Variants in SPAG17 observed in about 807,000 individuals in gnomAD.
The protein encoded by SPAG17 is sperm-associated antigen 17.
A neutral mutation model predicts 273.6 loss-of-function variants in SPAG17; 169 were observed. That is an observed-to-expected ratio of 0.62 (90% CI 0.55 to 0.70). The LOEUF (loss-of-function observed/expected upper bound fraction) is 0.70. Ranked by LOEUF, SPAG17 falls within the 30% of genes least tolerant of loss-of-function variation. SPAG17 has a pLI of 0.00. For missense variants in SPAG17, 2,557 were observed against 2,627.8 expected, an observed-to-expected ratio of 0.97 and a Z score of 0.59; for synonymous variants, 825 against 873.2, an observed-to-expected ratio of 0.94 and a Z score of 0.97.
At chr1:118,157,064 G>A (rs1659687547) in intron 1 of SPAG17, among the ~76,000 whole-genome samples, 1 of 152,116 alleles carries the variant, frequency 6.6e-6, no homozygotes, top group East Asian at 1.9e-4. Context: ...CAGTGTGATT[G>A]CCTTAATAAT....
chr1:117,971,508 T>C (rs1179195213), intron 45 of SPAG17, among the ~76,000 whole-genome samples: 2 of 152,186 alleles, frequency 1.3e-5, no homozygotes, highest in African/African-American at 2.4e-5. Context: ...AGTTAGTGGA[T>C]TTGAGAAAAA....
chr1:118,068,099 C>G (rs1653164506), intron 17 of SPAG17, among the ~76,000 whole-genome samples: 1 of 151,552 alleles, frequency 6.6e-6, no homozygotes, highest in Admixed American at 6.6e-5. Context: ...GCTGAGGCAG[C>G]TTTTGGTTTT....
At position 118,036,893 on chromosome 1, in the gene SPAG17, A is replaced by C. The variant is rs1649152796; in HGVS notation, c.3320-10T>G. On this transcript the variant is annotated splice_polypyrimidine_tract_variant and intron_variant, in intron 23 of 48. Transcript: ENST00000336338. ...TTTGCATCTGATACTTCTAAAATACAAAATCGAATCAAGAACATTTTCATT... is the reference window on the plus strand; with the variant it reads ...TTTGCATCTGATACTTCTAAAATACCAAATCGAATCAAGAACATTTTCATT... 6.6e-7 allele frequency: 1 copy of C among 1,518,854 alleles called. No individual in the cohort carries two copies. The highest frequency in any genetic ancestry group is 1.4e-5 in the African/African-American group (1 of 72,274). The allele number at this position is 1,518,854 out of a possible 1,614,324, so 94.1% of individuals were successfully genotyped here.
chr1:117,967,109 G>C (rs895899017), intron 46 of SPAG17, among the ~76,000 whole-genome samples: 1 of 152,024 alleles, frequency 6.6e-6, no homozygotes, highest in African/African-American at 2.4e-5. Context: ...ACTTTCAGTA[G>C]TGAAATCTGC....
intron 3 of SPAG17, among the ~76,000 whole-genome samples, chr1:118,136,981 G>A (rs189616043): frequency 3.4e-3 from 515 of 152,272 alleles, no homozygotes; most frequent in Non-Finnish European, 6.4e-3. Flanking sequence ...CTGGGGGAAA[G>A]AGCAAATCAG....
intron 28 of SPAG17, among the ~76,000 whole-genome samples, chr1:118,019,576 T>C (rs1660308947): frequency 6.6e-6 from 1 of 152,164 alleles, no homozygotes; most frequent in Non-Finnish European, 1.5e-5. Context: ...AGATAATTAT[T>C]GAGAAATCTC....
chr1:118,102,970 C>A (rs1162745735), intron 4 of SPAG17, among the ~76,000 whole-genome samples: 2 of 152,174 alleles, frequency 1.3e-5, no homozygotes, highest in Admixed American at 1.3e-4. Flanking sequence ...GAAACTGCCA[C>A]CCTTTGTACC....
At chr1:118,009,871 T>C (rs550063024) in intron 30 of SPAG17, among the ~76,000 whole-genome samples, 1 of 150,928 alleles carries the variant, frequency 6.6e-6, no homozygotes, top group African/African-American at 2.4e-5. Flanking sequence ...ATAAAGAAAA[T>C]AAAGAAAATA....
intron 18 of SPAG17, among the ~76,000 whole-genome samples, chr1:118,060,314 T>C (rs1289986900): frequency 6.6e-6 from 1 of 152,112 alleles, no homozygotes; most frequent in Non-Finnish European, 1.5e-5. Flanking sequence ...GTTTTTTTTT[T>C]CTTTTTCCAT....
chr1:118,165,747 G>A (rs935132142), intron 1 of SPAG17, among the ~76,000 whole-genome samples: 36 of 144,824 alleles, frequency 2.5e-4, no homozygotes, highest in African/African-American at 8.7e-4. Flanking sequence ...CCGGGTTCAC[G>A]CCATTCTCCT....
intron 10 of SPAG17, among the ~76,000 whole-genome samples, chr1:118,087,922 C>T (rs1187142358): frequency 6.6e-6 from 1 of 152,174 alleles, no homozygotes; most frequent in African/African-American, 2.4e-5. Flanking sequence ...GCAAGTAGCA[C>T]CCTTCCAGTT....
chr1:118,006,298 T>A (rs1658873650), intron 31 of SPAG17, among the ~76,000 whole-genome samples: 4 of 152,232 alleles, frequency 2.6e-5, no homozygotes, highest in African/African-American at 9.6e-5. Context: ...ACTAATCTAC[T>A]GTCTATGGAT....
intron 1 of SPAG17, 45 bp from the exon 2 acceptor site, chr1:118,151,414 G>C (rs1341908859): frequency 6.6e-7 from 1 of 1,508,444 alleles, no homozygotes; most frequent in Non-Finnish European, 9.0e-7. Context: ...TTCCTGAATA[G>C]GTCATTTCGT....
At chr1:117,954,897 G>A (rs115284676) in intron 48 of SPAG17, among the ~76,000 whole-genome samples, 126 of 152,202 alleles carry the variant, frequency 8.3e-4, no homozygotes, top group African/African-American at 2.9e-3. Context: ...AAAGCCCTCT[G>A]AAGATTCTGT....
intron 5 of SPAG17, among the ~76,000 whole-genome samples, chr1:118,100,194 T>G (rs938276400): frequency 6.6e-6 from 1 of 152,178 alleles, no homozygotes. Flanking sequence ...CTTTGTGGTA[T>G]TTTATAAGTA....
intron 38 of SPAG17, 108 bp downstream of exon 38, chr1:117,990,753 T>C (rs1656981952): frequency 9.2e-6 from 6 of 651,260 alleles, no homozygotes; most frequent in South Asian, 2.3e-5. Flanking sequence ...AATGGAGATA[T>C]GTACATGGTG....
Position 118,150,574 on chromosome 1 carries a change from G to T in SPAG17, c.284C>A (p.Pro95His). 6.3e-7 allele frequency: 1 copy of T among 1,578,670 alleles called. No homozygotes were observed. The highest frequency in any genetic ancestry group is 8.7e-7 in the Non-Finnish European group (1 of 1,153,454). ...ATATAAAGGAGCATTACCACCTACA[G>T]GTTTTTTTGCCTTTTTAGATGAAGC... ...GSASSKKAKKPVGGNAPLYYE... is the reference protein window; with the variant it reads ...GSASSKKAKKHVGGNAPLYYE... Residue 95 changes from proline (P) to histidine (H), a missense_variant, in exon 3 of 49, where the codon CCT becomes CAT. Transcript: ENST00000336338.
In SPAG17 at chr1:118,042,014, G is replaced by A. The variant is rs1571321489; in HGVS notation, c.2843C>T (p.Ala948Val). 1 of 1,612,546 alleles carries A rather than the reference G, an allele frequency of 6.2e-7. No homozygotes were observed. Among genetic ancestry groups the A allele is most frequent in the African/African-American group, 1.3e-5 (1 of 74,654 alleles). Reference sequence around the variant, plus strand: ...TTCTTCCCTTAAGCGCTCCTCTTCTGCTAATCGATGTTGCTCTTCTTTCCA... The same window carrying A: ...TTCTTCCCTTAAGCGCTCCTCTTCTACTAATCGATGTTGCTCTTCTTTCCA... Reference protein sequence around the residue: ...KAWKEEQHRLAEEERLREEKK... With the variant: ...KAWKEEQHRLVEEERLREEKK... The change falls in exon 21 of 49, where the codon GCA becomes GTA. Residue 948 changes from alanine to valine, a missense_variant. By Grantham distance (64) the Ala-to-Val change is moderately conservative. Coordinates refer to ENST00000336338, the MANE Select transcript of SPAG17 (RefSeq NM_206996.4).
At chr1:118,147,931 G>A (rs914512099) in intron 3 of SPAG17, among the ~76,000 whole-genome samples, 1 of 152,156 alleles carries the variant, frequency 6.6e-6, no homozygotes, top group African/African-American at 2.4e-5. Context: ...AAACCAGAAA[G>A]CCTAATTGAT....
Sources: gnomAD v4.1 joint callset for allele counts (sites outside exome capture counted in the v4.1 genomes callset) on GRCh38, gnomAD v4.1.1 for gene constraint, MANE v1.5 for transcripts, NCBI Gene and HGNC (gene_info 2026-07-23, HGNC 2026-07-21) for gene names.